Variants in STUM observed in about 807,000 individuals in gnomAD.
STUM encodes stum, mechanosensory transduction mediator homolog.
STUM carries 8 observed loss-of-function variants against 15.3 expected under a neutral mutation model. The ratio of observed to expected loss-of-function variants is 0.52; its 90% CI spans 0.31 to 0.94. The LOEUF is 0.94. STUM is among the 40% of genes least tolerant of loss of function. The pLI is 0.05. For missense variants in STUM, 142 were observed against 204.9 expected, an observed-to-expected ratio of 0.69 and a Z score of 1.87; for synonymous variants, 78 against 88.7, an observed-to-expected ratio of 0.88 and a Z score of 0.68.
At chr1:226,592,924 G>A (rs1045917753) in intron 1 of STUM, among the ~76,000 whole-genome samples, 15 of 152,128 alleles carry the variant, frequency 9.9e-5, no homozygotes, top group African/African-American at 2.2e-4. Flanking sequence ...GGTGGCTCGC[G>A]CCTGTAATCC....
chr1:226,557,702 G>T (rs1339957741), intron 1 of STUM, among the ~76,000 whole-genome samples: 1 of 152,108 alleles, frequency 6.6e-6, no homozygotes, highest in East Asian at 1.9e-4. Context: ...AAAATTATAG[G>T]CCCATATCCT....
At position 226,567,380 on chromosome 1, in the gene STUM, A is replaced by C. The variant is rs1364417041; in HGVS notation, c.202+18274A>C. On this transcript the variant is annotated intron_variant, in intron 1 of 3. Transcript: ENST00000366788. The surrounding 1 kb of genome is among the most constrained non-coding windows in gnomAD (Gnocchi z 4.5). Reference sequence around the variant, plus strand: ...ACATTTGCAGTGGAAAATAACGGAAAATAGAAACACAACAATATTAGCTAT... The same window carrying C: ...ACATTTGCAGTGGAAAATAACGGAACATAGAAACACAACAATATTAGCTAT... 6.6e-6 allele frequency among the ~76,000 whole-genome samples: 1 copy of C among 152,258 alleles called. No individual in the cohort carries two copies. Among genetic ancestry groups the C allele is most frequent in the Non-Finnish European group, 1.5e-5 (1 of 68,038 alleles).
At chr1:226,571,264 C>A (rs912732901) in intron 1 of STUM, among the ~76,000 whole-genome samples, 2 of 146,622 alleles carry the variant, frequency 1.4e-5, no homozygotes, top group African/African-American at 5.3e-5. Context: ...AAAACAAAAA[C>A]TATAGAAAAA....
intron 1 of STUM, among the ~76,000 whole-genome samples, chr1:226,561,209 G>T (rs1352360559): frequency 6.6e-6 from 1 of 152,152 alleles, no homozygotes; most frequent in Non-Finnish European, 1.5e-5. Flanking sequence ...TCTCCTTGAG[G>T]GTAGGGGCTG....
At chr1:226,597,892 TG>T (rs1167919420) in intron 2 of STUM, among the ~76,000 whole-genome samples, 1 of 152,194 alleles carries the variant, frequency 6.6e-6, no homozygotes, top group East Asian at 1.9e-4. Flanking sequence ...AGGCAGATGC[TG>T]GCTACTGGGG....
intron 1 of STUM, among the ~76,000 whole-genome samples, chr1:226,587,336 G>A (rs1043509064): frequency 3.9e-5 from 6 of 152,216 alleles, no homozygotes; most frequent in South Asian, 2.1e-4. Flanking sequence ...TTCTGTCCTC[G>A]GAAGGAAGGA....
At chr1:226,555,979 A>C (rs1667439751) in intron 1 of STUM, among the ~76,000 whole-genome samples, 3 of 152,236 alleles carry the variant, frequency 2.0e-5, no homozygotes, top group Admixed American at 6.5e-5. Flanking sequence ...TCAACATATA[A>C]TCAATATGAA....
chr1:226,554,754 T>C (rs923742848), intron 1 of STUM, among the ~76,000 whole-genome samples: 5 of 152,208 alleles, frequency 3.3e-5, no homozygotes, highest in Admixed American at 3.3e-4. Context: ...TGAAATTGTC[T>C]ATCTTCTAAA....
chr1:226,572,313 A>G (rs948209173), intron 1 of STUM, among the ~76,000 whole-genome samples: 5 of 152,174 alleles, frequency 3.3e-5, no homozygotes, highest in African/African-American at 1.2e-4. Context: ...CTGTTTTTCT[A>G]ATACCTACTA....
At chr1:226,551,596 C>A (rs971723908) in intron 1 of STUM, among the ~76,000 whole-genome samples, 8 of 152,236 alleles carry the variant, frequency 5.3e-5, no homozygotes, top group African/African-American at 1.9e-4. Flanking sequence ...GCTCCCGGGA[C>A]AACTGAATAT....
chr1:226,574,792 TCA>T (rs1558281854), intron 1 of STUM, among the ~76,000 whole-genome samples: 3 of 151,886 alleles, frequency 2.0e-5, no homozygotes, highest in African/African-American at 7.3e-5. Context: ...TTGCCAACTC[TCA>T]GAGTGGAGAC....
intron 1 of STUM, among the ~76,000 whole-genome samples, chr1:226,570,535 C>T (rs1667689996): frequency 6.6e-6 from 1 of 152,208 alleles, no homozygotes; most frequent in African/African-American, 2.4e-5. Flanking sequence ...TAGACAGCAC[C>T]AGGGTGAGAG....
At chr1:226,564,311 C>T (rs1667586453) in intron 1 of STUM, among the ~76,000 whole-genome samples, 1 of 152,104 alleles carries the variant, frequency 6.6e-6, no homozygotes, top group South Asian at 2.1e-4. Context: ...TCAGGAAATG[C>T]TTGGAGGTCA....
intron 1 of STUM, among the ~76,000 whole-genome samples, chr1:226,590,898 A>G (rs1383599285): frequency 6.6e-6 from 1 of 152,230 alleles, no homozygotes; most frequent in African/African-American, 2.4e-5. Flanking sequence ...ACGGCCAAAC[A>G]GAATTCATCA....
Position 226,577,499 on chromosome 1 carries a change from TCACA to T in STUM, c.203-19285_203-19282del, listed in dbSNP as rs60225649. 1.5e-3 allele frequency among the ~76,000 whole-genome samples: 225 copies of T among 150,908 alleles called. 1 individual carries two copies. Among genetic ancestry groups the T allele is most frequent in the African/African-American group, 4.4e-3 (180 of 41,082 alleles). ...CCAGCTCTTCACACGAAACAGTTTC[TCACA>T]CACACACACACACACACTCACACAC... On this transcript the variant is annotated intron_variant, in intron 1 of 3. Coordinates refer to ENST00000366788, the MANE Select transcript of STUM (RefSeq NM_001003665.4).
rs951486094 is a variant in STUM at position 226,549,995 on chromosome 1, C to T, written c.202+889C>T. ...ACCCCCAGGTCTCTGCCTGCACGCC[C>T]CTCCCCTCCTCCAGCTTGGCACTGG... is the stretch of plus-strand genomic sequence containing the variant. On this transcript the variant is annotated intron_variant, in intron 1 of 3. Coordinates refer to ENST00000366788, the MANE Select transcript of STUM (RefSeq NM_001003665.4). The surrounding 1 kb of genome is among the most constrained non-coding windows in gnomAD (Gnocchi z 6.8). Among the ~76,000 whole-genome samples, 2 of 152,132 alleles carry T rather than the reference C, an allele frequency of 1.3e-5. No individual in the cohort carries two copies. The highest frequency in any genetic ancestry group is 1.3e-4 in the Admixed American group (2 of 15,280).
At position 226,608,995 on chromosome 1, in the gene STUM, A is replaced by T. The variant is rs1414284985; in HGVS notation, c.*6955A>T. 1.3e-5 allele frequency: 2 copies of T among 152,238 alleles called. No homozygotes were observed. Among genetic ancestry groups the T allele is most frequent in the Non-Finnish European group, 2.9e-5 (2 of 68,040 alleles). 9.4% of individuals were successfully genotyped at this position (152,238 alleles called of 1,614,324 possible). ...CTTCACTCAAGCAGCATTACTGTACATGCAATGAAAAATACTATATATGAC... is the reference window on the plus strand; with the variant it reads ...CTTCACTCAAGCAGCATTACTGTACTTGCAATGAAAAATACTATATATGAC... On this transcript the variant is annotated 3_prime_UTR_variant, in exon 4 of 4. Transcript: ENST00000366788. The surrounding 1 kb of genome is among the most constrained non-coding windows in gnomAD (Gnocchi z 4.0).
At chr1:226,585,991 G>A (rs889755734) in intron 1 of STUM, among the ~76,000 whole-genome samples, 3 of 68,484 alleles carry the variant, frequency 4.4e-5, no homozygotes, top group African/African-American at 2.7e-4. Flanking sequence ...TGGGGAGGGA[G>A]AGAGAGAAAA....
chr1:226,583,973 G>A (rs74543007), intron 1 of STUM, among the ~76,000 whole-genome samples: 6,428 of 151,896 alleles, frequency 0.042, 504 homozygotes, highest in African/African-American at 0.15. Context: ...ACTATCTATT[G>A]TTGTGTAGAA....
Sources: gnomAD v4.1 joint callset for allele counts (sites outside exome capture counted in the v4.1 genomes callset) on GRCh38, gnomAD v4.1.1 for gene constraint, Gnocchi (gnomAD v3.1) non-coding constraint, MANE v1.5 for transcripts, NCBI Gene and HGNC (gene_info 2026-07-23, HGNC 2026-07-21) for gene names.